Variants in EPHB6 observed in about 807,000 individuals in gnomAD.
EPHB6 encodes EPH receptor B6.
EPHB6 carries 51 observed loss-of-function variants against 107.0 expected under a neutral mutation model. That is an observed-to-expected ratio of 0.48 (90% CI 0.38 to 0.60). The LOEUF (loss-of-function observed/expected upper bound fraction) is 0.60. Among genes scored for constraint, EPHB6 ranks in the 20% least tolerant of loss-of-function variants. The probability of loss-of-function intolerance (pLI) is 0.00; values close to 1 mark genes in which losing one functional copy is unlikely to be tolerated. For missense variants in EPHB6, 1,141 were observed against 1,355.5 expected (o/e 0.84, Z 2.48); for synonymous variants, 553 against 549.0 (o/e 1.01, Z -0.10).
chr7:142,868,007 G>C lies in EPHB6; in HGVS notation c.1876G>C (p.Gly626Arg). The change falls in exon 13 of 20, where the codon GGG becomes CGG. Residue 626 changes from glycine (G) to arginine (R), a missense_variant. Gly to Arg is a moderately radical substitution (Grantham distance 125, BLOSUM62 -2). Coordinates refer to ENST00000652003, the MANE Select transcript of EPHB6 (RefSeq NM_004445.6). The surrounding 1 kb of genome is among the most constrained non-coding windows in gnomAD (Gnocchi z 4.2). ...CGTTTTGTTCCTCAGGAAGCGGCGT[G>C]GGACTGGCTACACAGAGCAGCTGCA... ...LAVVFQRKRR[G>R]TGYTEQLQQY... 6.3e-7 allele frequency: 1 copy of C among 1,583,624 alleles called. No individual in the cohort carries two copies. Among genetic ancestry groups the C allele is most frequent in the East Asian group, 2.3e-5 (1 of 43,124 alleles).
chr7:142,861,148 G>C lies in EPHB6; in HGVS notation c.-335G>C, dbSNP rs2116394754. On this transcript the variant is annotated 5_prime_UTR_variant, in exon 2 of 20. Transcript: ENST00000652003. ...CCAATCTCTAAATCAACAAGCAAAG[G>C]AGGTGCCAAGCCTGTTTGTCTTCAT... The C allele has an allele frequency of 6.6e-6, 1 of 152,248 alleles. No homozygotes were observed. Among genetic ancestry groups the C allele is most frequent in the Non-Finnish European group, 1.5e-5 (1 of 68,016 alleles). 9.4% of individuals were successfully genotyped at this position (152,248 alleles called of 1,614,324 possible). A position where few individuals can be genotyped will look rare whatever the true frequency, so the allele number is the denominator to read the frequency against.
At position 142,867,404 on chromosome 7, in the gene EPHB6, G is replaced by T. The variant is rs919767901; in HGVS notation, c.1751-204G>T. ...GATGTGGAGGGCTGTGGGGATGTGT[G>T]TGTGTGTTGTGTGTCCCTGTGTGTG... On this transcript the variant is annotated intron_variant, in intron 11 of 19. Coordinates refer to ENST00000652003, the MANE Select transcript of EPHB6 (RefSeq NM_004445.6). This position sits in a 1 kb window ranked among gnomAD's most constrained non-coding sequence, Gnocchi z 5.3. The T allele has an allele frequency of 1.1e-5, 7 of 656,084 alleles. No individual in the cohort carries two copies. The highest frequency in any genetic ancestry group is 1.9e-5 in the Non-Finnish European group (7 of 360,242). 40.6% of individuals were successfully genotyped at this position (656,084 alleles called of 1,614,324 possible).
Position 142,866,351 on chromosome 7 carries a change from C to A in EPHB6, c.1462+35C>A. 6.2e-7 allele frequency: 1 copy of A among 1,612,524 alleles called. No individual in the cohort carries two copies. Among genetic ancestry groups the A allele is most frequent in the Non-Finnish European group, 8.5e-7 (1 of 1,179,328 alleles). The stretch of plus-strand genomic sequence containing the variant: ...TTTCCTTGGCCTTCAGGATCCCCTG[C>A]CTCCGCTCCTTTGAGCCCCCTTCCC... On this transcript the variant is annotated intron_variant, in intron 9 of 19. Coordinates refer to ENST00000652003, the MANE Select transcript of EPHB6 (RefSeq NM_004445.6). This position sits in a 1 kb window ranked among gnomAD's most constrained non-coding sequence, Gnocchi z 5.2.
At position 142,866,473 on chromosome 7, in the gene EPHB6, C is replaced by T. The variant is rs1167959288; in HGVS notation, c.1463-8C>T. 5 of 1,614,082 alleles carry T rather than the reference C, an allele frequency of 3.1e-6. No homozygotes were observed. The South Asian group carries it at 4.4e-5, about 14-fold the overall frequency. ...TATCCCCATAATAATTTTCCTTTTG[C>T]ACTCTAGTGCCCTCTGCTGTCCCTG... On this transcript the variant is annotated splice_region_variant and splice_polypyrimidine_tract_variant and intron_variant, in intron 9 of 19. Coordinates refer to ENST00000652003, the MANE Select transcript of EPHB6 (RefSeq NM_004445.6). This position sits in a 1 kb window ranked among gnomAD's most constrained non-coding sequence, Gnocchi z 5.2.
At chr7:142,860,768 C>G (rs368973407) in intron 1 of EPHB6, among the ~76,000 whole-genome samples, 3 of 152,096 alleles carry the variant, frequency 2.0e-5, no homozygotes, top group Non-Finnish European at 4.4e-5. Context: ...CATCAGCCCA[C>G]GCGTATGTAG....
rs964623215 is a variant in EPHB6 at position 142,865,844 on chromosome 7, C to T, written c.1106-116C>T. The T allele has an allele frequency of 2.0e-5, 25 of 1,222,840 alleles. 1 individual carries two copies. The highest frequency in any genetic ancestry group is 1.7e-4 in the Admixed American group (9 of 53,806). 75.7% of individuals were successfully genotyped at this position (1,222,840 alleles called of 1,614,324 possible). A position where few individuals can be genotyped will look rare whatever the true frequency, so the allele number is the denominator to read the frequency against. ...GCCTCTCTGGGCTACCCCCACCCCACGCTCTTCTGTCTCCTTCCCTCTCGG... is the reference window on the plus strand; with the variant it reads ...GCCTCTCTGGGCTACCCCCACCCCATGCTCTTCTGTCTCCTTCCCTCTCGG... On this transcript the variant is annotated intron_variant, in intron 8 of 19. Coordinates refer to ENST00000652003, the MANE Select transcript of EPHB6 (RefSeq NM_004445.6).
rs768612042 is a variant in EPHB6 at position 142,867,863 on chromosome 7, G to T, written c.1866-134G>T. 2.2e-5 allele frequency: 32 copies of T among 1,454,320 alleles called. No homozygotes were observed. The highest frequency in any genetic ancestry group is 1.2e-5 in the Non-Finnish European group (13 of 1,061,358). The allele number at this position is 1,454,320 out of a possible 1,614,324, so 90.1% of individuals were successfully genotyped here. On this transcript the variant is annotated intron_variant, in intron 12 of 19. Transcript: ENST00000652003. This position sits in a 1 kb window ranked among gnomAD's most constrained non-coding sequence, Gnocchi z 5.3. ...AGCCAGCCCCTGCCCTGGGCCCCAC[G>T]TGGAGATGGGCAGGAGGGCCAGGCT...
intron 6 of EPHB6, 37 bp downstream of exon 6, chr7:142,863,732 G>A (rs913148264): frequency 1.2e-6 from 2 of 1,605,236 alleles, no homozygotes; most frequent in Non-Finnish European, 1.7e-6. Flanking sequence ...GAATCCCTTG[G>A]CCCTGCCCCT....
Position 142,867,079 on chromosome 7 carries a change from G to T in EPHB6, c.1750+11G>T. 1.9e-6 allele frequency: 3 copies of T among 1,611,452 alleles called. No individual in the cohort carries two copies. The highest frequency in any genetic ancestry group is 2.5e-6 in the Non-Finnish European group (3 of 1,179,534). On this transcript the variant is annotated intron_variant, in intron 11 of 19. Coordinates refer to ENST00000652003, the MANE Select transcript of EPHB6 (RefSeq NM_004445.6). This position sits in a 1 kb window ranked among gnomAD's most constrained non-coding sequence, Gnocchi z 5.3. ...AGACACTTCCTCAAGGTGAGCGGGGGTCAAGGGCCAGATGGGCAGGTGAAG... is the reference window on the plus strand; with the variant it reads ...AGACACTTCCTCAAGGTGAGCGGGGTTCAAGGGCCAGATGGGCAGGTGAAG...
chr7:142,863,556 C>T (rs111791289), intron 5 of EPHB6, 75 bp from the exon 6 acceptor site: 18 of 1,542,526 alleles, frequency 1.2e-5, no homozygotes, highest in South Asian at 8.9e-5. Flanking sequence ...CTTTTGTTCG[C>T]GGTGGGAATA....
chr7:142,859,938 G>T (rs1239836433), intron 1 of EPHB6, among the ~76,000 whole-genome samples: 2 of 152,156 alleles, frequency 1.3e-5, no homozygotes, highest in African/African-American at 4.8e-5. Context: ...GCTTCGTGTT[G>T]TCATTACGAG....
Position 142,870,415 on chromosome 7 carries a change from G to A in EPHB6, c.2804+8G>A, listed in dbSNP as rs2116491527. Reference sequence around the variant, plus strand: ...CGGGGACCCAGGGGAAAGGTCTGGAGCTTGGGGCTAGAGCCTGGGAAAGCC... The same window carrying A: ...CGGGGACCCAGGGGAAAGGTCTGGAACTTGGGGCTAGAGCCTGGGAAAGCC... On this transcript the variant is annotated splice_region_variant and intron_variant, in intron 18 of 19. Transcript: ENST00000652003. The A allele has an allele frequency of 6.2e-7, 1 of 1,614,040 alleles. No homozygotes were observed. Among genetic ancestry groups the A allele is most frequent in the Non-Finnish European group, 8.5e-7 (1 of 1,179,994 alleles).
At position 142,867,106 on chromosome 7, in the gene EPHB6, C is replaced by T. The variant is rs1342694619; in HGVS notation, c.1750+38C>T. The T allele has an allele frequency of 6.2e-7, 1 of 1,603,846 alleles. No homozygotes were observed. The highest frequency in any genetic ancestry group is 1.1e-5 in the South Asian group (1 of 90,620). Reference sequence around the variant, plus strand: ...CAAGGGCCAGATGGGCAGGTGAAGGCCCAAGTGGGTAGTGAGGAGAGGCCC... The same window carrying T: ...CAAGGGCCAGATGGGCAGGTGAAGGTCCAAGTGGGTAGTGAGGAGAGGCCC... On this transcript the variant is annotated intron_variant, in intron 11 of 19. Transcript: ENST00000652003. This position sits in a 1 kb window ranked among gnomAD's most constrained non-coding sequence, Gnocchi z 5.3.
Position 142,871,045 on chromosome 7 carries a change from G to A in EPHB6, c.*141G>A, listed in dbSNP as rs529796147. 2.3e-5 allele frequency: 19 copies of A among 808,862 alleles called. No individual in the cohort carries two copies. The highest frequency in any genetic ancestry group is 5.9e-5 in the South Asian group (4 of 68,188). 50.1% of individuals were successfully genotyped at this position (808,862 alleles called of 1,614,324 possible). A position where few individuals can be genotyped will look rare whatever the true frequency, so the allele number is the denominator to read the frequency against. On this transcript the variant is annotated 3_prime_UTR_variant, in exon 20 of 20. Transcript: ENST00000652003. The stretch of plus-strand genomic sequence containing the variant: ...CGATGGCTGCATTCCCTGGTCCTCC[G>A]CCTCTCCACCAGCCCCCTCCTCATT...
rs1794900349 is a variant in EPHB6 at position 142,871,055 on chromosome 7, C to G, written c.*151C>G. 2 of 758,776 alleles carry G rather than the reference C, an allele frequency of 2.6e-6. No individual in the cohort carries two copies. The highest frequency in any genetic ancestry group is 3.4e-5 in the African/African-American group (2 of 58,096). The allele number at this position is 758,776 out of a possible 1,614,324, so 47.0% of individuals were successfully genotyped here. On this transcript the variant is annotated 3_prime_UTR_variant, in exon 20 of 20. Coordinates refer to ENST00000652003, the MANE Select transcript of EPHB6 (RefSeq NM_004445.6). ...ATTCCCTGGTCCTCCGCCTCTCCAC[C>G]AGCCCCCTCCTCATTAAAGGGAAAG...
rs1473938679 is a variant in EPHB6, at chr7:142,868,396, G to A, written c.2038+36G>A. The A allele has an allele frequency of 1.2e-6, 2 of 1,613,930 alleles. No individual in the cohort carries two copies. The highest frequency in any genetic ancestry group is 1.7e-6 in the Non-Finnish European group (2 of 1,179,866). On this transcript the variant is annotated intron_variant, in intron 14 of 19. Coordinates refer to ENST00000652003, the MANE Select transcript of EPHB6 (RefSeq NM_004445.6). The surrounding 1 kb of genome is among the most constrained non-coding windows in gnomAD (Gnocchi z 4.2). ...GCCAAAGCAGGGATCAGAGCGACGG[G>A]GCTCCCTTGTGGCCTCCGCTGGCCA... is the stretch of plus-strand genomic sequence containing the variant.
In EPHB6 at chr7:142,869,322, T is replaced by G. The variant is rs538472990; in HGVS notation, c.2460+175T>G. Among the ~76,000 whole-genome samples the G allele has an allele frequency of 1.3e-5, 2 of 152,100 alleles. No individual in the cohort carries two copies. Among genetic ancestry groups the G allele is most frequent in the African/African-American group, 4.8e-5 (2 of 41,498 alleles). On this transcript the variant is annotated intron_variant, in intron 16 of 19. Transcript: ENST00000652003. This position sits in a 1 kb window ranked among gnomAD's most constrained non-coding sequence, Gnocchi z 4.5. ...AGATGAAAGCCTAGGCGACGGGGTTTGAGGGATTTCAGGGACCGAGACAAA... is the reference window on the plus strand; with the variant it reads ...AGATGAAAGCCTAGGCGACGGGGTTGGAGGGATTTCAGGGACCGAGACAAA...
chr7:142,858,324 G>T (rs1802692764), intron 1 of EPHB6, among the ~76,000 whole-genome samples: 1 of 148,104 alleles, frequency 6.8e-6, no homozygotes, highest in Non-Finnish European at 1.5e-5. Context: ...AAGTAAGCTT[G>T]ATTTGCTCAT....
intron 7 of EPHB6, 115 bp downstream of exon 7, chr7:142,864,864 A>G (rs193252515): frequency 1.2e-5 from 16 of 1,311,574 alleles, no homozygotes; most frequent in Non-Finnish European, 1.7e-5. Flanking sequence ...GGAATAAGCC[A>G]TCTTAGGAAA....
Sources: gnomAD v4.1 joint callset for allele counts (sites outside exome capture counted in the v4.1 genomes callset) on GRCh38, gnomAD v4.1.1 for gene constraint, Gnocchi (gnomAD v3.1) non-coding constraint, MANE v1.5 for transcripts, NCBI Gene and HGNC (gene_info 2026-07-23, HGNC 2026-07-21) for gene names.